Variants in SOAT2 observed in about 807,000 individuals in gnomAD.
SOAT2 encodes the protein sterol O-acyltransferase 2.
In SOAT2, 87 loss-of-function variants were observed where a neutral mutation model predicts 76.0. That is an observed-to-expected ratio of 1.14 (90% CI 0.96 to 1.37). The LOEUF is 1.37. Among genes scored for constraint, SOAT2 ranks in the 40% most tolerant of loss-of-function variants. The pLI is 0.00. For synonymous variants in SOAT2, 285 were observed against 275.4 expected (o/e 1.03, Z -0.34); for missense variants, 686 against 682.1 (o/e 1.01, Z -0.06).
Position 53,106,002 on chromosome 12 carries a change from T to C in SOAT2, c.431T>C (p.Ile144Thr), listed in dbSNP as rs1469871359. Reference protein sequence around the residue: ...FIISTLAIDFIDEGRLLLEFD... With the variant: ...FIISTLAIDFTDEGRLLLEFD... Reference sequence around the variant, plus strand: ...ATCAGCACCCTGGCCATCGACTTCATTGATGAGGGCAGGTAGGTCCCCTTC... The same window carrying C: ...ATCAGCACCCTGGCCATCGACTTCACTGATGAGGGCAGGTAGGTCCCCTTC... Residue 144 changes from isoleucine (I) to threonine (T), a missense_variant, in exon 5 of 15, where the codon ATT becomes ACT. Coordinates refer to ENST00000301466, the MANE Select transcript of SOAT2 (RefSeq NM_003578.4). 5.0e-6 allele frequency: 8 copies of C among 1,613,418 alleles called. No homozygotes were observed. The highest frequency in any genetic ancestry group is 2.2e-5 in the East Asian group (1 of 44,870).
At chr12:53,116,440 A>G (rs1938108712) in intron 7 of SOAT2, among the ~76,000 whole-genome samples, 1 of 152,166 alleles carries the variant, frequency 6.6e-6, no homozygotes, top group South Asian at 2.1e-4. Context: ...TTGTTATTCC[A>G]TTTATAGAGC....
intron 1 of SOAT2, 67 bp downstream of exon 1, chr12:53,103,726 G>A (rs1254153958): frequency 1.0e-5 from 13 of 1,275,050 alleles, no homozygotes; most frequent in African/African-American, 8.9e-5. Context: ...GATGCGCTAT[G>A]GAGAGAAGGC....
At chr12:53,112,648 A>G (rs1938032343) in intron 5 of SOAT2, among the ~76,000 whole-genome samples, 1 of 152,008 alleles carries the variant, frequency 6.6e-6, no homozygotes, top group Admixed American at 6.6e-5. Flanking sequence ...ACACATACGT[A>G]TACACATCTT....
At chr12:53,120,352 C>G (rs1296355535) in intron 10 of SOAT2, among the ~76,000 whole-genome samples, 1 of 152,040 alleles carries the variant, frequency 6.6e-6, no homozygotes, top group African/African-American at 2.4e-5. Context: ...GTCTGTAGTC[C>G]CAGCTACTCG....
At chr12:53,108,091 G>A (rs1012755199) in intron 5 of SOAT2, among the ~76,000 whole-genome samples, 4 of 152,090 alleles carry the variant, frequency 2.6e-5, no homozygotes, top group Admixed American at 6.6e-5. Context: ...ATGGAACTTC[G>A]TTCCATAGAA....
intron 12 of SOAT2, 29 bp downstream of exon 12, chr12:53,121,430 TCA>T (rs1479565147): frequency 1.3e-6 from 2 of 1,543,606 alleles, no homozygotes; most frequent in Non-Finnish European, 1.8e-6. Context: ...CCTTCAGCTC[TCA>T]CAGTTAATAG....
At chr12:53,115,720 G>T in intron 6 of SOAT2, 66 bp downstream of exon 6, 1 of 1,441,984 alleles carries the variant, frequency 6.9e-7, no homozygotes, top group Non-Finnish European at 9.1e-7. Flanking sequence ...AGCAGAGGGG[G>T]AGTCCCCCAA....
At chr12:53,123,356 A>G in intron 13 of SOAT2, 140 bp downstream of exon 13, 2 of 1,079,326 alleles carry the variant, frequency 1.9e-6, no homozygotes, top group Non-Finnish European at 2.7e-6. Flanking sequence ...GGTGGAGTCA[A>G]GGGGGTACTT....
chr12:53,123,578 T>C (rs1938228064), intron 13 of SOAT2, 150 bp from the exon 14 acceptor site: 9 of 874,014 alleles, frequency 1.0e-5, no homozygotes, highest in Non-Finnish European at 1.6e-5. Flanking sequence ...TGGGCCACTT[T>C]AGACCTCTAC....
intron 5 of SOAT2, among the ~76,000 whole-genome samples, chr12:53,113,331 T>G (rs923089842): frequency 1.3e-5 from 2 of 152,190 alleles, no homozygotes; most frequent in Non-Finnish European, 2.9e-5. Flanking sequence ...TCTGTTTAAC[T>G]CACCCTTTGA....
At position 53,124,107 on chromosome 12, in the gene SOAT2, G is replaced by T. The variant is rs1477606222; in HGVS notation, c.1553G>T (p.Trp518Leu). 27 of 1,614,038 alleles carry T rather than the reference G, an allele frequency of 1.7e-5. No individual in the cohort carries two copies. The highest frequency in any genetic ancestry group is 2.2e-5 in the East Asian group (1 of 44,900). The change falls in exon 15 of 15, where the codon TGG (tryptophan) becomes TTG (leucine). Residue 518 changes from tryptophan (W) to leucine (L), a missense_variant. By Grantham distance (61) the Trp-to-Leu change is moderately conservative. Coordinates refer to ENST00000301466, the MANE Select transcript of SOAT2 (RefSeq NM_003578.4). ...TFWGLVTPRS[W>L]SCHT The stretch of plus-strand genomic sequence containing the variant: ...TGGGGGCTGGTGACACCTCGATCTT[G>T]GTCCTGCCATACCTAGAGGTCGGGA...
intron 12 of SOAT2, among the ~76,000 whole-genome samples, chr12:53,122,096 G>A (rs1025045400): frequency 3.3e-5 from 5 of 151,316 alleles, no homozygotes; most frequent in African/African-American, 9.7e-5. Flanking sequence ...GTAAGTGACC[G>A]TGCCCAGCCA....
intron 7 of SOAT2, among the ~76,000 whole-genome samples, 169 bp from the exon 8 acceptor site, chr12:53,118,181 T>C (rs1280305210): frequency 2.6e-5 from 4 of 151,650 alleles, no homozygotes; most frequent in Non-Finnish European, 5.9e-5. Context: ...CCTGCCCAGC[T>C]TAGCTCCCCT....
rs141175448 is a variant in SOAT2, at chr12:53,120,858, G to T, written c.1112G>T (p.Arg371Leu). Residue 371 changes from arginine to leucine, a missense_variant, in exon 11 of 15, where the codon CGA becomes CTA. By Grantham distance (102) the Arg-to-Leu change is moderately radical. Transcript: ENST00000301466. ...CWLNAFAEML[R>L]FGDRMFYRDW... ...CTCAACGCCTTTGCCGAGATGCTAC[G>T]ATTTGGAGACAGGATGTTCTACCGG... 13 of 1,613,842 alleles carry T rather than the reference G, an allele frequency of 8.1e-6. No individual in the cohort carries two copies. Among genetic ancestry groups the T allele is most frequent in the Non-Finnish European group, 1.0e-5 (12 of 1,179,912 alleles).
At position 53,116,105 on chromosome 12, in the gene SOAT2, C is replaced by A. The variant is rs1296766836; in HGVS notation, c.717C>A (p.Phe239Leu). The change falls in exon 7 of 15, where the codon TTC (phenylalanine) becomes TTA (leucine). Residue 239 changes from phenylalanine to leucine, a missense_variant. By Grantham distance (22) the Phe-to-Leu change is conservative (BLOSUM62 0). Coordinates refer to ENST00000301466, the MANE Select transcript of SOAT2 (RefSeq NM_003578.4). ...CTTCCATTCTGCCACAGGTTAGGTT[C>A]CTGATGAAAAGCTACTCCTTCCTGA... ...RCVLVFEQVRFLMKSYSFLRE... is the reference protein window; with the variant it reads ...RCVLVFEQVRLLMKSYSFLRE... 1 of 1,614,138 alleles carries A rather than the reference C, an allele frequency of 6.2e-7. No individual in the cohort carries two copies. Among genetic ancestry groups the A allele is most frequent in the African/African-American group, 1.3e-5 (1 of 75,046 alleles).
intron 14 of SOAT2, 28 bp downstream of exon 14, chr12:53,123,901 C>G (rs1938235831): frequency 1.6e-5 from 26 of 1,613,690 alleles, no homozygotes; most frequent in Non-Finnish European, 2.1e-5. Context: ...TCATCCAGCT[C>G]CCCATCCATG....
intron 12 of SOAT2, among the ~76,000 whole-genome samples, chr12:53,121,631 G>A (rs746206021): frequency 2.1e-4 from 32 of 151,742 alleles, no homozygotes; most frequent in Middle Eastern, 3.2e-3. Flanking sequence ...CTGTCCACAG[G>A]GCATTGTTTC....
rs1937886492 is a variant in SOAT2, at chr12:53,104,136, G to A, written c.83-15G>A. ...AATTCCTCCTGTTGACTGTGCCTTT[G>A]ATCCCTCCTCACAGGAAACACTGAG... On this transcript the variant is annotated splice_polypyrimidine_tract_variant and intron_variant, in intron 1 of 14. Transcript: ENST00000301466. 1 of 1,612,166 alleles carries A rather than the reference G, an allele frequency of 6.2e-7. No homozygotes were observed. Among genetic ancestry groups the A allele is most frequent in the Non-Finnish European group, 8.5e-7 (1 of 1,178,656 alleles).
At chr12:53,109,215 T>C (rs12579710) in intron 5 of SOAT2, among the ~76,000 whole-genome samples, 28,334 of 151,970 alleles carry the variant, frequency 0.19, 3,376 homozygotes, top group African/African-American at 0.35. Context: ...CCAGCCTGGG[T>C]GACAGAGCGA....
Sources: gnomAD v4.1 joint callset for allele counts (sites outside exome capture counted in the v4.1 genomes callset) on GRCh38, gnomAD v4.1.1 for gene constraint, MANE v1.5 for transcripts, NCBI Gene and HGNC (gene_info 2026-07-23, HGNC 2026-07-21) for gene names.